Variants in DCLK3 observed in about 807,000 individuals in gnomAD.
DCLK3 encodes doublecortin like kinase 3.
A neutral mutation model predicts 46.4 loss-of-function variants in DCLK3; 30 were observed. The observed-to-expected ratio is 0.65, with a 90% CI of 0.48 to 0.88. The LOEUF (loss-of-function observed/expected upper bound fraction) is 0.88, where lower values mean the gene tolerates loss of function less well. Among genes scored for constraint, DCLK3 ranks in the 40% least tolerant of loss-of-function variants. The pLI, the probability that DCLK3 is intolerant of heterozygous loss-of-function variation, is 0.00. For missense variants in DCLK3, 846 were observed against 907.1 expected, an observed-to-expected ratio of 0.93 and a Z score of 0.87; for synonymous variants, 401 against 339.2, an observed-to-expected ratio of 1.18 and a Z score of -2.00.
intron 1 of DCLK3, among the ~76,000 whole-genome samples, chr3:36,747,665 G>A (rs557920104): frequency 1.0e-3 from 156 of 152,160 alleles, no homozygotes; most frequent in African/African-American, 3.3e-3. Context: ...ATTTATGTCC[G>A]CTTTTACATA....
intron 2 of DCLK3, among the ~76,000 whole-genome samples, chr3:36,724,932 G>A (rs113417466): frequency 3.3e-5 from 5 of 151,524 alleles, no homozygotes; most frequent in African/African-American, 1.2e-4. Context: ...AGGAGTCTTT[G>A]AACAATTCCA....
chr3:36,740,472 G>A (rs1701332728), intron 1 of DCLK3, among the ~76,000 whole-genome samples: 1 of 152,060 alleles, frequency 6.6e-6, no homozygotes, highest in African/African-American at 2.4e-5. Context: ...AATTGAAGAA[G>A]GTTTCAATCT....
intron 3 of DCLK3, among the ~76,000 whole-genome samples, chr3:36,718,691 C>G (rs570820425): frequency 6.6e-6 from 1 of 152,356 alleles, no homozygotes; most frequent in Non-Finnish European, 1.5e-5. Flanking sequence ...CCCCAGTCTA[C>G]ACTAGCAATC....
rs539273553 is a variant in DCLK3, at chr3:36,713,320, A to C, written c.*2008T>G. On this transcript the variant is annotated 3_prime_UTR_variant, in exon 5 of 5. Coordinates refer to ENST00000636136, the MANE Select transcript of DCLK3 (RefSeq NM_001394672.2). The stretch of plus-strand genomic sequence containing the variant: ...AGTCAACAGGAGAAATTATTCAAAG[A>C]GAAAGTGGTCAATAGGGTCAAGTGA... 6.6e-6 allele frequency: 1 copy of C among 152,330 alleles called. No individual in the cohort carries two copies. The highest frequency in any genetic ancestry group is 6.5e-5 in the Admixed American group (1 of 15,306). The allele number at this position is 152,330 out of a possible 1,614,324, so 9.4% of individuals were successfully genotyped here.
intron 1 of DCLK3, among the ~76,000 whole-genome samples, chr3:36,745,335 C>A (rs1701384371): frequency 6.6e-6 from 1 of 152,142 alleles, no homozygotes; most frequent in African/African-American, 2.4e-5. Flanking sequence ...TTCATCTTGG[C>A]TCCTAGAAAG....
At chr3:36,740,608 A>G (rs1474578148) in intron 1 of DCLK3, among the ~76,000 whole-genome samples, 2 of 152,200 alleles carry the variant, frequency 1.3e-5, no homozygotes, top group Non-Finnish European at 2.9e-5. Flanking sequence ...GTATTTCCTA[A>G]TTGACTATAC....
chr3:36,758,713 C>A (rs914563565), intron 1 of DCLK3, among the ~76,000 whole-genome samples: 1 of 152,208 alleles, frequency 6.6e-6, no homozygotes, highest in Non-Finnish European at 1.5e-5. Context: ...TATGGCAGCA[C>A]AAACAGACTG....
rs1263924629 is a variant in DCLK3, at chr3:36,738,389, T to C, written c.778A>G (p.Thr260Ala). Reference protein sequence around the residue: ...EELSLDDRARTQKKWGRGKWE... With the variant: ...EELSLDDRARAQKKWGRGKWE... ...TTCCCCCTCCCCCACTTCTTCTGGGTCCTCGCTCTGTCATCTAGTGAAAGC... is the reference window on the plus strand; with the variant it reads ...TTCCCCCTCCCCCACTTCTTCTGGGCCCTCGCTCTGTCATCTAGTGAAAGC... The change falls in exon 2 of 5, where the codon ACC (threonine) becomes GCC (alanine). Residue 260 changes from threonine to alanine, a missense_variant. Thr to Ala is a moderately conservative substitution (Grantham distance 58). This residue lies in a region of DCLK3 where 553 missense variants were observed against 543.0 expected (regional missense o/e 1.02). Transcript: ENST00000636136. 35 of 1,496,428 alleles carry C rather than the reference T, an allele frequency of 2.3e-5. No homozygotes were observed. Among genetic ancestry groups the C allele is most frequent in the Non-Finnish European group, 2.9e-5 (33 of 1,126,082 alleles). 92.7% of individuals were successfully genotyped at this position (1,496,428 alleles called of 1,614,324 possible).
chr3:36,733,847 G>C (rs945500807), intron 2 of DCLK3, among the ~76,000 whole-genome samples: 1 of 152,158 alleles, frequency 6.6e-6, no homozygotes, highest in Non-Finnish European at 1.5e-5. Flanking sequence ...AAATATTTCT[G>C]TTGATTAAAA....
At position 36,738,160 on chromosome 3, in the gene DCLK3, C is replaced by T. The variant is rs1435820585; in HGVS notation, c.1007G>A (p.Gly336Glu). The T allele has an allele frequency of 6.2e-7, 1 of 1,614,084 alleles. No individual in the cohort carries two copies. Among genetic ancestry groups the T allele is most frequent in the Non-Finnish European group, 8.5e-7 (1 of 1,180,014 alleles). ...CTCCACATCATACATTGGGCCCTTC[C>T]CCATATCCAGCTCACTGGTCCCCAG... ...LSLGTSELDMGKGPMYDVEKL... is the reference protein window; with the variant it reads ...LSLGTSELDMEKGPMYDVEKL... Residue 336 changes from glycine to glutamate, a missense_variant, in exon 2 of 5, where the codon GGG becomes GAG. Around this residue, in one of 3 missense-constraint regions of DCLK3, gnomAD observed 553 missense variants for 543.0 expected, o/e 1.02. Transcript: ENST00000636136.
In DCLK3 at chr3:36,738,683, TGAA is replaced by T; in HGVS notation, c.481_483del (p.Phe161del). 2 of 1,326,904 alleles carry T rather than the reference TGAA, an allele frequency of 1.5e-6. No individual in the cohort carries two copies. The highest frequency in any genetic ancestry group is 5.9e-5 in the South Asian group (2 of 33,700). 82.2% of individuals were successfully genotyped at this position (1,326,904 alleles called of 1,614,324 possible). A position where few individuals can be genotyped will look rare whatever the true frequency, so the allele number is the denominator to read the frequency against. The stretch of plus-strand genomic sequence containing the variant: ...ATAGCTATGAAAGCATCCCCTTCCC[TGAA>T]GAAATCAGAGACGCTCCTGATTTCC... On this transcript the variant is annotated inframe_deletion, in exon 2 of 5. Transcript: ENST00000636136.
chr3:36,728,784 A>G (rs1288331394), intron 2 of DCLK3, among the ~76,000 whole-genome samples: 1 of 152,006 alleles, frequency 6.6e-6, no homozygotes, highest in Non-Finnish European at 1.5e-5. Flanking sequence ...CATATATCCT[A>G]TTGGTTCTGT....
At position 36,719,189 on chromosome 3, in the gene DCLK3, A is replaced by T. The variant is rs1362494949; in HGVS notation, c.2093-1012T>A. On this transcript the variant is annotated intron_variant, in intron 3 of 4. Transcript: ENST00000636136. Reference sequence around the variant, plus strand: ...AAATAACCTTCCAGCAATGAAATAGACAAAGCAATATACAGTAAAGGTTTT... The same window carrying T: ...AAATAACCTTCCAGCAATGAAATAGTCAAAGCAATATACAGTAAAGGTTTT... Among the ~76,000 whole-genome samples, 3 of 152,242 alleles carry T rather than the reference A, an allele frequency of 2.0e-5. No individual in the cohort carries two copies. The East Asian group carries it at 5.8e-4, about 29-fold the overall frequency.
At chr3:36,727,140 A>C (rs1701133430) in intron 2 of DCLK3, among the ~76,000 whole-genome samples, 1 of 151,958 alleles carries the variant, frequency 6.6e-6, no homozygotes, top group African/African-American at 2.4e-5. Flanking sequence ...ACAAAAAAAA[A>C]CAGCTGGGCA....
At chr3:36,736,880 A>G (rs554850900) in intron 2 of DCLK3, among the ~76,000 whole-genome samples, 114 of 152,330 alleles carry the variant, frequency 7.5e-4, no homozygotes, top group African/African-American at 2.6e-3. Context: ...GGAAGCTGCC[A>G]TCAGTAGGCA....
chr3:36,740,175 C>T (rs923098581), intron 1 of DCLK3, among the ~76,000 whole-genome samples: 4 of 149,008 alleles, frequency 2.7e-5, no homozygotes, highest in African/African-American at 9.9e-5. Context: ...ACACCTCCCT[C>T]CCAGGGTTTT....
At chr3:36,719,937 T>C (rs1174858333) in intron 3 of DCLK3, among the ~76,000 whole-genome samples, 2 of 152,196 alleles carry the variant, frequency 1.3e-5, no homozygotes, top group Non-Finnish European at 2.9e-5. Flanking sequence ...CCACACCAAG[T>C]CTAAACATCT....
rs577820957 is a variant in DCLK3 at position 36,714,264 on chromosome 3, T to G, written c.*1064A>C. On this transcript the variant is annotated 3_prime_UTR_variant, in exon 5 of 5. Transcript: ENST00000636136. Reference sequence around the variant, plus strand: ...CTCCGCCCAGATGGCTCCAAAACTGTTAGGGAAGGTAGACGTGAAAAAGCC... The same window carrying G: ...CTCCGCCCAGATGGCTCCAAAACTGGTAGGGAAGGTAGACGTGAAAAAGCC... The G allele has an allele frequency of 6.6e-6, 1 of 152,268 alleles. No homozygotes were observed. The highest frequency in any genetic ancestry group is 1.9e-4 in the East Asian group (1 of 5,184). The allele number at this position is 152,268 out of a possible 1,614,324, so 9.4% of individuals were successfully genotyped here.
intron 1 of DCLK3, among the ~76,000 whole-genome samples, chr3:36,762,919 T>C (rs1232473761): frequency 6.6e-6 from 1 of 152,200 alleles, no homozygotes; most frequent in Non-Finnish European, 1.5e-5. Context: ...AGTTGGGCTG[T>C]GAGGCAAACC....
Sources: allele counts gnomAD v4.1 joint callset (sites outside exome capture counted in the v4.1 genomes callset), GRCh38; gene constraint gnomAD v4.1.1; regional missense constraint gnomAD v4.1.1; transcripts MANE v1.5; gene names NCBI Gene and HGNC (gene_info 2026-07-23, HGNC 2026-07-21).